PTPRD: variants seen among roughly 807,000 people sequenced by gnomAD.
PTPRD encodes the protein receptor-type tyrosine-protein phosphatase delta.
In PTPRD, 34 loss-of-function variants were observed where a neutral mutation model predicts 214.5. The ratio of observed to expected loss-of-function variants is 0.16; its 90% CI spans 0.12 to 0.21. The LOEUF is 0.21. Among genes scored for constraint, PTPRD ranks in the 10% least tolerant of loss-of-function variants. The probability of loss-of-function intolerance (pLI) is 1.00; values close to 1 mark genes in which losing one functional copy is unlikely to be tolerated. For synonymous variants in PTPRD, 1,128 were observed against 845.7 expected, an observed-to-expected ratio of 1.33 and a Z score of -5.79; for missense variants, 2,545 against 2,398.7, an observed-to-expected ratio of 1.06 and a Z score of -1.27.
At chr9:9,709,885 G>T (rs1479635346) in intron 7 of PTPRD, among the ~76,000 whole-genome samples, 1 of 151,998 alleles carries the variant, frequency 6.6e-6, no homozygotes, top group Non-Finnish European at 1.5e-5. Flanking sequence ...GAGGAAACCT[G>T]TTTAATTAAA....
chr9:10,188,933 G>T (rs1480147469), intron 3 of PTPRD, among the ~76,000 whole-genome samples: 1 of 152,134 alleles, frequency 6.6e-6, no homozygotes, highest in Non-Finnish European at 1.5e-5. Context: ...TTTGCCTGGG[G>T]TCACTCAGTC....
rs201294076 is a variant in PTPRD at position 8,373,862 on chromosome 9, C to G, written c.4661+2074G>C. On this transcript the variant is annotated intron_variant, in intron 39 of 45. Coordinates refer to ENST00000381196, the MANE Select transcript of PTPRD (RefSeq NM_002839.4). ...TATGTATGTATGTGTATGTGTCTGTCTGTCTATCTATCTATCTATCTATCT... is the reference window on the plus strand; with the variant it reads ...TATGTATGTATGTGTATGTGTCTGTGTGTCTATCTATCTATCTATCTATCT... Among the ~76,000 whole-genome samples the G allele has an allele frequency of 3.6e-3, 251 of 70,108 alleles. 1 individual carries two copies. The highest frequency in any genetic ancestry group is 0.012 in the African/African-American group (225 of 19,360). 46.0% of individuals were successfully genotyped at this position (70,108 alleles called of 152,430 possible).
chr9:10,191,179 T>C (rs2099362244), intron 3 of PTPRD, among the ~76,000 whole-genome samples: 1 of 152,186 alleles, frequency 6.6e-6, no homozygotes, highest in Non-Finnish European at 1.5e-5. Flanking sequence ...AAAGAAATGA[T>C]GTTTTACTCA....
At chr9:9,278,227 T>C (rs1946368707) in intron 9 of PTPRD, among the ~76,000 whole-genome samples, 1 of 151,322 alleles carries the variant, frequency 6.6e-6, no homozygotes, top group Non-Finnish European at 1.5e-5. Flanking sequence ...TTATCTCTCA[T>C]GCCAGAAATC....
chr9:9,348,574 A>G (rs1360665860), intron 9 of PTPRD, among the ~76,000 whole-genome samples: 1 of 152,108 alleles, frequency 6.6e-6, no homozygotes, highest in Non-Finnish European at 1.5e-5. Flanking sequence ...TGGGAAAAGC[A>G]CATGTTTTCT....
At chr9:8,831,720 T>A (rs1026854806) in intron 11 of PTPRD, among the ~76,000 whole-genome samples, 5 of 152,200 alleles carry the variant, frequency 3.3e-5, no homozygotes, top group Non-Finnish European at 4.4e-5. Flanking sequence ...GAATGAATTT[T>A]ATCATTCTGA....
chr9:9,327,819 C>A (rs533849022), intron 9 of PTPRD, among the ~76,000 whole-genome samples: 2 of 151,464 alleles, frequency 1.3e-5, no homozygotes, highest in Non-Finnish European at 2.9e-5. Context: ...GGTGTCCAAT[C>A]TTTTGGCTTC....
At chr9:9,482,328 G>A (rs1486582426) in intron 8 of PTPRD, among the ~76,000 whole-genome samples, 1 of 152,120 alleles carries the variant, frequency 6.6e-6, no homozygotes, top group African/African-American at 2.4e-5. Context: ...CTAGAGTCAT[G>A]GTATTCTAAG....
chr9:8,944,410 C>T (rs757786872), intron 11 of PTPRD, among the ~76,000 whole-genome samples: 3 of 152,022 alleles, frequency 2.0e-5, no homozygotes, highest in Non-Finnish European at 4.4e-5. Context: ...AGTATATACT[C>T]CAAAGAAAGG....
chr9:9,733,242 T>C (rs182709751), intron 7 of PTPRD, among the ~76,000 whole-genome samples: 227 of 152,280 alleles, frequency 1.5e-3, no homozygotes, highest in African/African-American at 5.4e-3. Flanking sequence ...TATGTCAAAG[T>C]GTATTCTTCT....
chr9:8,500,622 A>G (rs2097380249), intron 24 of PTPRD, 132 bp downstream of exon 24: 1 of 677,272 alleles, frequency 1.5e-6, no homozygotes, highest in African/African-American at 1.9e-5. Context: ...AGTCTTTGGC[A>G]AAAATACTAA....
At chr9:10,497,994 C>G (rs1387854948) in intron 2 of PTPRD, among the ~76,000 whole-genome samples, 1 of 151,886 alleles carries the variant, frequency 6.6e-6, no homozygotes, top group African/African-American at 2.4e-5. Context: ...AAAAGATTAG[C>G]TAAAAGAAGG....
At chr9:9,538,593 G>A (rs1043262841) in intron 8 of PTPRD, among the ~76,000 whole-genome samples, 2 of 151,906 alleles carry the variant, frequency 1.3e-5, no homozygotes, top group Admixed American at 1.3e-4. Context: ...ATGCTATGCT[G>A]CATACTGCAG....
At chr9:9,121,373 C>G (rs1015641937) in intron 10 of PTPRD, among the ~76,000 whole-genome samples, 2 of 152,088 alleles carry the variant, frequency 1.3e-5, no homozygotes, top group African/African-American at 4.8e-5. Flanking sequence ...TACTTGCACA[C>G]GCATGTTTAT....
chr9:9,872,164 C>T (rs577947802), intron 5 of PTPRD, among the ~76,000 whole-genome samples: 8 of 152,100 alleles, frequency 5.3e-5, no homozygotes, highest in South Asian at 4.1e-4. Context: ...TTCCCATAAA[C>T]GAAAGGTATC....
At chr9:8,324,488 T>G (rs1007551732) in intron 44 of PTPRD, among the ~76,000 whole-genome samples, 8 of 152,204 alleles carry the variant, frequency 5.3e-5, no homozygotes, top group Non-Finnish European at 1.2e-4. Context: ...ATTTTCTTTA[T>G]CCAATCTATC....
intron 2 of PTPRD, among the ~76,000 whole-genome samples, chr9:10,380,364 G>A (rs2097795680): frequency 6.6e-6 from 1 of 151,988 alleles, no homozygotes; most frequent in South Asian, 2.1e-4. Context: ...CAAATCTTAA[G>A]AATAAAATAT....
At chr9:9,480,480 C>T (rs557757071) in intron 8 of PTPRD, among the ~76,000 whole-genome samples, 11 of 151,852 alleles carry the variant, frequency 7.2e-5, no homozygotes, top group African/African-American at 2.7e-4. Flanking sequence ...ATATGCAAGG[C>T]AATAAAACTG....
At chr9:9,673,042 T>C (rs1286426852) in intron 7 of PTPRD, among the ~76,000 whole-genome samples, 1 of 151,992 alleles carries the variant, frequency 6.6e-6, no homozygotes, top group African/African-American at 2.4e-5. Context: ...AAATTACCAA[T>C]GCTGCAGAAG....
Sources: allele counts gnomAD v4.1 joint callset (sites outside exome capture counted in the v4.1 genomes callset), GRCh38; gene constraint gnomAD v4.1.1; transcripts MANE v1.5; gene names NCBI Gene and HGNC (gene_info 2026-07-23, HGNC 2026-07-21).